Variants in RPGRIP1L observed in about 807,000 individuals in gnomAD.
The protein encoded by RPGRIP1L is protein fantom.
RPGRIP1L carries 131 observed loss-of-function variants against 160.4 expected under a neutral mutation model. That is an observed-to-expected ratio of 0.82 (90% CI 0.71 to 0.94). RPGRIP1L has a LOEUF of 0.94. Ranked by LOEUF, RPGRIP1L falls within the 40% of genes least tolerant of loss-of-function variation. The pLI is 0.00. For synonymous variants in RPGRIP1L, 510 were observed against 515.8 expected, an observed-to-expected ratio of 0.99 and a Z score of 0.15; for missense variants, 1,522 against 1,535.8, an observed-to-expected ratio of 0.99 and a Z score of 0.15.
chr16:53,659,447 T>C (rs1272906339), intron 10 of RPGRIP1L: 1 of 154,466 alleles, frequency 6.5e-6, no homozygotes, highest in Non-Finnish European at 1.4e-5. Context: ...AATATACCCA[T>C]GTGCACTTGT....
intron 16 of RPGRIP1L, among the ~76,000 whole-genome samples, chr16:53,648,579 C>T (rs556660261): frequency 2.2e-4 from 34 of 151,474 alleles, no homozygotes; most frequent in African/African-American, 7.8e-4. Flanking sequence ...TGTGATAAAA[C>T]TGCAAAGAAT....
At position 53,605,652 on chromosome 16, in the gene RPGRIP1L, G is replaced by A. The variant is rs200778265; in HGVS notation, c.3702-38C>T. ...AGATCAGAGAAAGTCACCACCAAGT[G>A]AGAAGAAATCACCACGAGACAAAAC... On this transcript the variant is annotated intron_variant, in intron 25 of 26. Coordinates refer to ENST00000647211, the MANE Select transcript of RPGRIP1L (RefSeq NM_015272.5). 8.7e-5 allele frequency: 140 copies of A among 1,611,508 alleles called. No individual in the cohort carries two copies. The African/African-American group carries it at 1.7e-3, about 19-fold the overall frequency.
intron 2 of RPGRIP1L, among the ~76,000 whole-genome samples, chr16:53,696,639 A>G (rs1185864110): frequency 6.6e-6 from 1 of 152,248 alleles, no homozygotes; most frequent in African/African-American, 2.4e-5. Context: ...CTAAAAGAGT[A>G]TCCGAAGCTT....
chr16:53,624,144 G>C (rs1333043645), intron 22 of RPGRIP1L, among the ~76,000 whole-genome samples: 1 of 152,126 alleles, frequency 6.6e-6, no homozygotes, highest in African/African-American at 2.4e-5. Context: ...CTCCCACCTC[G>C]ACCTCTCAAA....
chr16:53,674,405 T>C (rs777838188), intron 7 of RPGRIP1L, among the ~76,000 whole-genome samples: 8 of 152,140 alleles, frequency 5.3e-5, no homozygotes, highest in South Asian at 2.1e-4. Context: ...TCAGATGGCA[T>C]ATTCCTGTGG....
chr16:53,662,006 A>T (rs968834572), intron 10 of RPGRIP1L, among the ~76,000 whole-genome samples: 3 of 152,198 alleles, frequency 2.0e-5, no homozygotes, highest in African/African-American at 7.2e-5. Context: ...TCAAAGAGGA[A>T]ATATACTTGC....
chr16:53,623,795 T>A (rs755469710), intron 22 of RPGRIP1L, among the ~76,000 whole-genome samples: 46 of 152,226 alleles, frequency 3.0e-4, no homozygotes, highest in Admixed American at 3.3e-4. Context: ...AGGACCAATA[T>A]CTTACTCATT....
intron 7 of RPGRIP1L, 49 bp downstream of exon 7, chr16:53,674,968 A>C: frequency 8.0e-7 from 1 of 1,256,434 alleles, no homozygotes; most frequent in Non-Finnish European, 1.2e-6. Context: ...ACTACTTTTG[A>C]ATCCTTTGCA....
chr16:53,622,799 C>CCACACACACACACACACACA (rs201959082), intron 22 of RPGRIP1L, among the ~76,000 whole-genome samples: 2 of 135,810 alleles, frequency 1.5e-5, no homozygotes, highest in African/African-American at 5.8e-5. Context: ...AAAACAAAAA[C>CCACACACACACACACACACA]CACACACACA....
intron 3 of RPGRIP1L, chr16:53,695,720 G>T (rs932018714): frequency 5.1e-6 from 2 of 394,540 alleles, no homozygotes; most frequent in Non-Finnish European, 9.0e-6. Context: ...ATATGTTCCA[G>T]AGACTGAAGT....
At position 53,637,826 on chromosome 16, in the gene RPGRIP1L, A is replaced by G. The variant is rs1965937862; in HGVS notation, c.3089T>C (p.Val1030Ala). The G allele has an allele frequency of 1.2e-6, 2 of 1,607,258 alleles. No individual in the cohort carries two copies. Among genetic ancestry groups the G allele is most frequent in the African/African-American group, 2.7e-5 (2 of 73,090 alleles). ...KVSQEGSVDE[V>A]KENTEKMQQG... Reference sequence around the variant, plus strand: ...CTGCATTTTCTCAGTATTCTCTTTTACCTCATCTACACTGCCTTCTTGTGA... The same window carrying G: ...CTGCATTTTCTCAGTATTCTCTTTTGCCTCATCTACACTGCCTTCTTGTGA... The change falls in exon 21 of 27, where the codon GTA (valine) becomes GCA (alanine). Residue 1030 changes from valine to alanine, a missense_variant. Physicochemically the swap from Val to Ala is moderately conservative, Grantham distance 64. Coordinates refer to ENST00000647211, the MANE Select transcript of RPGRIP1L (RefSeq NM_015272.5).
At position 53,598,232 on chromosome 16, in the gene RPGRIP1L, A is replaced by C. The variant is rs1963259364; in HGVS notation, c.*3844T>G. The C allele has an allele frequency of 6.6e-6, 1 of 152,110 alleles. No homozygotes were observed. Among genetic ancestry groups the C allele is most frequent in the Non-Finnish European group, 1.5e-5 (1 of 68,008 alleles). 9.4% of individuals were successfully genotyped at this position (152,110 alleles called of 1,614,324 possible). Reference sequence around the variant, plus strand: ...AGACAGAGGTAATGCTGTTCTAGGGATGAAAAAGGTGACTCTCAATAGAGT... The same window carrying C: ...AGACAGAGGTAATGCTGTTCTAGGGCTGAAAAAGGTGACTCTCAATAGAGT... On this transcript the variant is annotated 3_prime_UTR_variant, in exon 27 of 27. Coordinates refer to ENST00000647211, the MANE Select transcript of RPGRIP1L (RefSeq NM_015272.5).
chr16:53,615,479 T>A (rs1212755510), intron 24 of RPGRIP1L, among the ~76,000 whole-genome samples: 5 of 137,266 alleles, frequency 3.6e-5, no homozygotes, highest in East Asian at 4.1e-4. Flanking sequence ...TATATTTTTT[T>A]TTTTTTTTTT....
rs1966180360 is a variant in RPGRIP1L at position 53,641,033 on chromosome 16, A to G, written c.2958T>C (p.Asp986=). 5.6e-6 allele frequency: 9 copies of G among 1,604,596 alleles called. No individual in the cohort carries two copies. The highest frequency in any genetic ancestry group is 7.7e-6 in the Non-Finnish European group (9 of 1,171,360). The change falls in exon 19 of 27, where the codon GAT becomes GAC. Residue 986 remains aspartate (D), a splice_region_variant and synonymous_variant. Coordinates refer to ENST00000647211, the MANE Select transcript of RPGRIP1L (RefSeq NM_015272.5). ...AGTATTTTCAGTGTCTACTACTTAC[A>G]TCACTCTGATGTGGCATGATATCCA... is the stretch of plus-strand genomic sequence containing the variant. ...SFVDIMPHQS[D]ETSPPPEDRK...
At chr16:53,614,155 G>A (rs1055856481) in intron 24 of RPGRIP1L, among the ~76,000 whole-genome samples, 2 of 152,176 alleles carry the variant, frequency 1.3e-5, no homozygotes, top group Admixed American at 1.3e-4. Context: ...TAGTCTAGGT[G>A]TGTCAAATCA....
intron 14 of RPGRIP1L, chr16:53,655,688 A>G (rs1395551457): frequency 1.3e-5 from 2 of 152,340 alleles, no homozygotes; most frequent in Admixed American, 1.3e-4. Flanking sequence ...AATAGCTTGC[A>G]GTTATTTCTA....
intron 20 of RPGRIP1L, 129 bp from the exon 21 acceptor site, chr16:53,637,983 T>C (rs757840624): frequency 1.1e-6 from 1 of 885,324 alleles, no homozygotes; most frequent in Non-Finnish European, 1.8e-6. Context: ...GTAATATGTA[T>C]GAGACTCAGA....
At chr16:53,650,572 CCAAA>C (rs111711321) in intron 15 of RPGRIP1L, among the ~76,000 whole-genome samples, 1 of 151,950 alleles carries the variant, frequency 6.6e-6, no homozygotes, top group African/African-American at 2.4e-5. Context: ...AAAAAACACC[CCAAA>C]CAAACAAACA....
intron 23 of RPGRIP1L, among the ~76,000 whole-genome samples, chr16:53,620,762 C>T (rs1964658564): frequency 6.6e-6 from 1 of 152,092 alleles, no homozygotes; most frequent in Admixed American, 6.5e-5. Flanking sequence ...ATTGTCTAAT[C>T]TCACTTCAGA....
Sources: gnomAD v4.1 joint callset for allele counts (sites outside exome capture counted in the v4.1 genomes callset) on GRCh38, gnomAD v4.1.1 for gene constraint, MANE v1.5 for transcripts, NCBI Gene and HGNC (gene_info 2026-07-23, HGNC 2026-07-21) for gene names.